ZNF345: variants seen among roughly 807,000 people sequenced by gnomAD.
ZNF345 encodes zinc finger protein HZF10.
For synonymous variants in ZNF345, 166 were observed against 187.9 expected (o/e 0.88, Z 0.95); for missense variants, 527 against 589.9 (o/e 0.89, Z 1.10).
At chr19:36,870,227 G>A (rs537151285) in intron 2 of ZNF345, among the ~76,000 whole-genome samples, 17 of 152,188 alleles carry the variant, frequency 1.1e-4, no homozygotes, top group Middle Eastern at 3.4e-3. Flanking sequence ...TGTGAATCAC[G>A]CTTATATTTT....
intron 2 of ZNF345, among the ~76,000 whole-genome samples, chr19:36,865,456 TTTTA>T (rs954808416): frequency 2.0e-5 from 3 of 152,040 alleles, no homozygotes; most frequent in Admixed American, 6.6e-5. Context: ...TTTTCAAAAT[TTTTA>T]TTTATTTATT....
chr19:36,862,663 CAAAAAAAAA>C (rs753670661), intron 2 of ZNF345, among the ~76,000 whole-genome samples: 1 of 39,964 alleles, frequency 2.5e-5, no homozygotes, highest in Non-Finnish European at 5.6e-5. Flanking sequence ...GACCCAGTCT[CAAAAAAAAA>C]AAAAAAAAAA....
chr19:36,865,287 T>C (rs1307424516), intron 2 of ZNF345, among the ~76,000 whole-genome samples: 1 of 152,170 alleles, frequency 6.6e-6, no homozygotes, highest in African/African-American at 2.4e-5. Flanking sequence ...CAGGTCTGCT[T>C]TTGCAGAGTG....
intron 2 of ZNF345, among the ~76,000 whole-genome samples, chr19:36,873,754 A>G (rs1193181901): frequency 4.1e-5 from 6 of 148,010 alleles, no homozygotes; most frequent in Non-Finnish European, 8.9e-5. Flanking sequence ...CGTCTCCCTT[A>G]TTTCACGTAG....
At chr19:36,861,684 C>T (rs959382589) in intron 2 of ZNF345, among the ~76,000 whole-genome samples, 11 of 151,916 alleles carry the variant, frequency 7.2e-5, no homozygotes, top group Non-Finnish European at 1.5e-5. Context: ...CCTGAGCCTC[C>T]CAAGTAGCTG....
chr19:36,854,415 G>A (rs1451779356), intron 2 of ZNF345: 1 of 152,022 alleles, frequency 6.6e-6, no homozygotes, highest in African/African-American at 2.4e-5. Flanking sequence ...TCCAAAACTT[G>A]AATTTCATTT....
chr19:36,892,059 T>A, intron 3 of ZNF345: 2 of 1,614,042 alleles, frequency 1.2e-6, no homozygotes, highest in Non-Finnish European at 1.7e-6. Flanking sequence ...CTTTTCCACA[T>A]TCCTTACATT....
intron 3 of ZNF345, chr19:36,889,288 A>G (rs992003819): frequency 6.6e-6 from 1 of 152,126 alleles, no homozygotes; most frequent in Admixed American, 6.5e-5. Context: ...TGGCTTCAGT[A>G]TCAGGATGAT....
chr19:36,862,179 G>A (rs2072562358), intron 2 of ZNF345, among the ~76,000 whole-genome samples: 1 of 152,062 alleles, frequency 6.6e-6, no homozygotes, highest in African/African-American at 2.4e-5. Context: ...TTTATCTTTG[G>A]ACTGGGAGTA....
At chr19:36,875,964 G>T (rs1355708505) in intron 2 of ZNF345, among the ~76,000 whole-genome samples, 1 of 152,150 alleles carries the variant, frequency 6.6e-6, no homozygotes, top group East Asian at 1.9e-4. Context: ...AATCATCAAA[G>T]ATGAGGTTCA....
At chr19:36,875,201 A>T (rs1278952186) in intron 2 of ZNF345, among the ~76,000 whole-genome samples, 1 of 152,206 alleles carries the variant, frequency 6.6e-6, no homozygotes, top group Non-Finnish European at 1.5e-5. Flanking sequence ...ATGGATACGT[A>T]AATTACCTAT....
Position 36,879,433 on chromosome 19 carries a change from G to T in ZNF345, c.*1136G>T, listed in dbSNP as rs1305196270. On this transcript the variant is annotated 3_prime_UTR_variant, in exon 3 of 3. Coordinates refer to ENST00000420450, the MANE Select transcript of ZNF345 (RefSeq NM_001242472.2). ...TCTCATTGTTTTGGAAACAAGGTGTGATTATGCTATACTATAACCAGCCCT... is the reference window on the plus strand; with the variant it reads ...TCTCATTGTTTTGGAAACAAGGTGTTATTATGCTATACTATAACCAGCCCT... 6.0e-6 allele frequency: 1 copy of T among 167,004 alleles called. No homozygotes were observed. The highest frequency in any genetic ancestry group is 1.5e-5 in the Non-Finnish European group (1 of 68,104). 10.3% of individuals were successfully genotyped at this position (167,004 alleles called of 1,614,324 possible).
At chr19:36,862,769 C>T (rs2072579006) in intron 2 of ZNF345, 1 of 151,732 alleles carries the variant, frequency 6.6e-6, no homozygotes, top group Non-Finnish European at 1.5e-5. Context: ...TTAATGGGCT[C>T]AATTGTGTCC....
At chr19:36,858,638 G>A (rs2072476675) in intron 2 of ZNF345, among the ~76,000 whole-genome samples, 1 of 152,070 alleles carries the variant, frequency 6.6e-6, no homozygotes, top group African/African-American at 2.4e-5. Context: ...GTGGTGGTGG[G>A]CACCTGTAGT....
chr19:36,887,512 AAAAC>A (rs1382064472), intron 3 of ZNF345, among the ~76,000 whole-genome samples: 2 of 152,164 alleles, frequency 1.3e-5, no homozygotes, highest in Non-Finnish European at 2.9e-5. Context: ...AAACTGTTCT[AAAAC>A]AAATTATATA....
intron 2 of ZNF345, among the ~76,000 whole-genome samples, chr19:36,857,978 C>T (rs1458379060): frequency 3.3e-5 from 5 of 151,848 alleles, no homozygotes; most frequent in Non-Finnish European, 7.4e-5. Context: ...TGGGGTTTCA[C>T]CATGTTGTCC....
chr19:36,881,030 A>AT (rs1600721493), downstream of ZNF345, among the ~76,000 whole-genome samples: 1 of 152,196 alleles, frequency 6.6e-6, no homozygotes, highest in Non-Finnish European at 1.5e-5. Context: ...TAATTTTAGA[A>AT]TAAAAAAAGC....
intron 3 of ZNF345, among the ~76,000 whole-genome samples, chr19:36,886,342 C>T (rs1374025412): frequency 6.6e-6 from 1 of 152,136 alleles, no homozygotes; most frequent in Non-Finnish European, 1.5e-5. Context: ...ACTTGACAAA[C>T]ACTCCCTCAC....
chr19:36,880,338 TA>T (rs2072960971), downstream of ZNF345, among the ~76,000 whole-genome samples: 1 of 151,656 alleles, frequency 6.6e-6, no homozygotes, highest in Non-Finnish European at 1.5e-5. Context: ...AATAAATAAA[TA>T]AAAAATTGTC....
Sources: gnomAD v4.1 joint callset for allele counts (sites outside exome capture counted in the v4.1 genomes callset) on GRCh38, gnomAD v4.1.1 for gene constraint, MANE v1.5 for transcripts, NCBI Gene and HGNC (gene_info 2026-07-23, HGNC 2026-07-21) for gene names.